Variants in ATP11A observed in about 807,000 individuals in gnomAD.
The protein encoded by ATP11A is ATPase phospholipid transporting 11A, also known as phospholipid-transporting ATPase IH.
ATP11A carries 81 observed loss-of-function variants against 154.4 expected under a neutral mutation model. The ratio of observed to expected loss-of-function variants is 0.52; its 90% CI spans 0.44 to 0.63. ATP11A has a LOEUF of 0.63. Ranked by LOEUF, ATP11A falls within the 30% of genes least tolerant of loss-of-function variation. The pLI is 0.00. For synonymous variants in ATP11A, 623 were observed against 585.9 expected (o/e 1.06, Z -0.91); for missense variants, 1,316 against 1,474.3 (o/e 0.89, Z 1.76).
intron 25 of ATP11A, among the ~76,000 whole-genome samples, chr13:112,871,180 C>A (rs531336022): frequency 6.6e-6 from 1 of 152,164 alleles, no homozygotes; most frequent in Non-Finnish European, 1.5e-5. Flanking sequence ...CAGAACGTTC[C>A]CGCCGCTGTT....
At chr13:112,719,487 T>C (rs1020767022) in intron 1 of ATP11A, among the ~76,000 whole-genome samples, 4 of 152,220 alleles carry the variant, frequency 2.6e-5, no homozygotes, top group Non-Finnish European at 4.4e-5. Context: ...GAAGACAAAA[T>C]TACAAAACAT....
chr13:112,788,537 G>T (rs186709538), intron 2 of ATP11A, among the ~76,000 whole-genome samples: 238 of 148,986 alleles, frequency 1.6e-3, no homozygotes, highest in Non-Finnish European at 1.7e-3. Context: ...CCGGTGTCCT[G>T]ATGCGTAGAC....
chr13:112,843,209 A>G (rs2079476806), intron 17 of ATP11A, among the ~76,000 whole-genome samples: 1 of 151,972 alleles, frequency 6.6e-6, no homozygotes, highest in Non-Finnish European at 1.5e-5. Flanking sequence ...GAGATGCCCT[A>G]AAGCTACACT....
At chr13:112,692,003 C>G (rs420431) in intron 1 of ATP11A, among the ~76,000 whole-genome samples, 26,200 of 152,022 alleles carry the variant, frequency 0.17, 2,764 homozygotes, top group African/African-American at 0.31. Flanking sequence ...CACTGGTGCT[C>G]GAGCCCCCAG....
chr13:112,802,269 C>T (rs907676624), intron 2 of ATP11A, among the ~76,000 whole-genome samples: 2 of 152,064 alleles, frequency 1.3e-5, no homozygotes, highest in African/African-American at 4.8e-5. Flanking sequence ...TGGCGCGAAC[C>T]CAGGAGGCAG....
chr13:112,883,931 T>C lies in ATP11A; in HGVS notation c.*2065T>C, dbSNP rs980623278. ...ACAAATTATTTGTAATGTATTTTTT[T>C]AGAAATCTTAAAATTGCCTTTGCAC... On this transcript the variant is annotated 3_prime_UTR_variant, in exon 30 of 30. Coordinates refer to ENST00000375645, the MANE Select transcript of ATP11A (RefSeq NM_015205.3). The C allele has an allele frequency of 6.6e-5, 10 of 152,670 alleles. No homozygotes were observed. The highest frequency in any genetic ancestry group is 2.4e-4 in the African/African-American group (10 of 41,480). 9.5% of individuals were successfully genotyped at this position (152,670 alleles called of 1,614,324 possible).
At position 112,862,486 on chromosome 13, in the gene ATP11A, T is replaced by C; in HGVS notation, c.2902T>C (p.Trp968Arg). ...ALLRWRVFIY[W>R]TLLGLFDALV... ...GCTGCGCTGGCGCGTGTTCATCTAC[T>C]GGACGCTCCTGGGACTGTTTGACGC... The change falls in exon 25 of 30, where the codon TGG (tryptophan) becomes CGG (arginine). Residue 968 changes from tryptophan (W) to arginine (R), a missense_variant. Trp to Arg is a moderately radical substitution (Grantham distance 101). Transcript: ENST00000375645. 6.2e-7 allele frequency: 1 copy of C among 1,614,192 alleles called. No homozygotes were observed. Among genetic ancestry groups the C allele is most frequent in the Non-Finnish European group, 8.5e-7 (1 of 1,180,010 alleles).
At chr13:112,711,519 GA>G (rs1021708625) in intron 1 of ATP11A, among the ~76,000 whole-genome samples, 318 of 142,788 alleles carry the variant, frequency 2.2e-3, no homozygotes, top group East Asian at 5.1e-3. Flanking sequence ...CACCTGATGA[GA>G]AAAAAAAAAA....
chr13:112,859,402 T>C lies in ATP11A; in HGVS notation c.2677T>C (p.Phe893Leu). The C allele has an allele frequency of 3.7e-6, 6 of 1,614,048 alleles. No homozygotes were observed. Among genetic ancestry groups the C allele is most frequent in the Non-Finnish European group, 5.1e-6 (6 of 1,179,912 alleles). Residue 893 changes from phenylalanine to leucine, a missense_variant, in exon 23 of 30, where the codon TTC (phenylalanine) becomes CTC (leucine). By Grantham distance (22) the Phe-to-Leu change is conservative. Around this residue, in one of 5 missense-constraint regions of ATP11A, gnomAD observed 19 missense variants for 46.6 expected, o/e 0.41. Transcript: ENST00000375645. This position sits in a 1 kb window ranked among gnomAD's most constrained non-coding sequence, Gnocchi z 4.3. ...VQYFFYKNVC[F>L]IFPQFLYQFF... is the part of the protein sequence containing the mutation. ...ATGCCTTGCCTTTCAGAACGTCTGC[T>C]TCATCTTCCCTCAGTTTTTATACCA...
Position 112,690,413 on chromosome 13 carries a change from A to G in ATP11A, c.-4A>G. Reference sequence around the variant, plus strand: ...ACGGCGGAGCGGGAGCGGCCGGAGGAGCCATGGACTGCAGCCTCGTGCGGA... The same window carrying G: ...ACGGCGGAGCGGGAGCGGCCGGAGGGGCCATGGACTGCAGCCTCGTGCGGA... On this transcript the variant is annotated 5_prime_UTR_variant, in exon 1 of 30. Coordinates refer to ENST00000375645, the MANE Select transcript of ATP11A (RefSeq NM_015205.3). The surrounding 1 kb of genome is among the most constrained non-coding windows in gnomAD (Gnocchi z 5.6). 1 of 1,309,748 alleles carries G rather than the reference A, an allele frequency of 7.6e-7. No homozygotes were observed. Among genetic ancestry groups the G allele is most frequent in the Non-Finnish European group, 9.7e-7 (1 of 1,028,980 alleles). 81.1% of individuals were successfully genotyped at this position (1,309,748 alleles called of 1,614,324 possible). A position where few individuals can be genotyped will look rare whatever the true frequency, so the allele number is the denominator to read the frequency against.
chr13:112,881,922 C>G lies in ATP11A; in HGVS notation c.*56C>G. On this transcript the variant is annotated 3_prime_UTR_variant, in exon 30 of 30. Coordinates refer to ENST00000375645, the MANE Select transcript of ATP11A (RefSeq NM_015205.3). Reference sequence around the variant, plus strand: ...TGTCCCTCGGCCGCCTGGTACAGCTCCCACTCTCAGCAGGTGACACTCGCG... The same window carrying G: ...TGTCCCTCGGCCGCCTGGTACAGCTGCCACTCTCAGCAGGTGACACTCGCG... 1 of 1,367,748 alleles carries G rather than the reference C, an allele frequency of 7.3e-7. No individual in the cohort carries two copies. The highest frequency in any genetic ancestry group is 9.8e-7 in the Non-Finnish European group (1 of 1,021,970). The allele number at this position is 1,367,748 out of a possible 1,614,324, so 84.7% of individuals were successfully genotyped here. A position where few individuals can be genotyped will look rare whatever the true frequency, so the allele number is the denominator to read the frequency against.
chr13:112,882,910 C>T lies in ATP11A; in HGVS notation c.*1044C>T. 2.5e-6 allele frequency: 1 copy of T among 398,848 alleles called. No homozygotes were observed. The highest frequency in any genetic ancestry group is 4.4e-6 in the Non-Finnish European group (1 of 226,298). 24.7% of individuals were successfully genotyped at this position (398,848 alleles called of 1,614,324 possible). On this transcript the variant is annotated 3_prime_UTR_variant, in exon 30 of 30. Transcript: ENST00000375645. The surrounding 1 kb of genome is among the most constrained non-coding windows in gnomAD (Gnocchi z 5.1). Reference sequence around the variant, plus strand: ...ACCTGTCTCGGGCTGACGGGGGTGGCACACAGGACACGGGTGGATCCCAAC... The same window carrying T: ...ACCTGTCTCGGGCTGACGGGGGTGGTACACAGGACACGGGTGGATCCCAAC...
intron 2 of ATP11A, among the ~76,000 whole-genome samples, chr13:112,802,939 T>C (rs1168470974): frequency 2.0e-5 from 3 of 152,154 alleles, no homozygotes; most frequent in Non-Finnish European, 4.4e-5. Context: ...CGGGATGACC[T>C]AGGGAGGACA....
chr13:112,850,684 A>T (rs2079739520), intron 17 of ATP11A, among the ~76,000 whole-genome samples: 1 of 152,192 alleles, frequency 6.6e-6, no homozygotes, highest in Admixed American at 6.5e-5. Context: ...AAAAGGTTAA[A>T]TTTAACTCTG....
chr13:112,710,350 G>A lies in ATP11A; in HGVS notation c.39+19895G>A, dbSNP rs139054118. ...CACCCCTAAGCAAGTGGCCCACACC[G>A]TGTGTGACTGGAAAAATCAGTGTTT... On this transcript the variant is annotated intron_variant, in intron 1 of 29. Coordinates refer to ENST00000375645, the MANE Select transcript of ATP11A (RefSeq NM_015205.3). Among the ~76,000 whole-genome samples, 56 of 152,342 alleles carry A rather than the reference G, an allele frequency of 3.7e-4. No individual in the cohort carries two copies. The East Asian group carries it at 4.4e-3, about 12-fold the overall frequency.
rs960201572 is a variant in ATP11A, at chr13:112,838,520, C to G, written c.1705+2269C>G. On this transcript the variant is annotated intron_variant, in intron 16 of 29. Transcript: ENST00000375645. This position sits in a 1 kb window ranked among gnomAD's most constrained non-coding sequence, Gnocchi z 7.3. ...GAGCCGCCCCTGCCGCGCACTCACCCCGGAGCTGGCCCTGCCACACGCTCA... is the reference window on the plus strand; with the variant it reads ...GAGCCGCCCCTGCCGCGCACTCACCGCGGAGCTGGCCCTGCCACACGCTCA... 1.6e-4 allele frequency among the ~76,000 whole-genome samples: 24 copies of G among 152,240 alleles called. No individual in the cohort carries two copies. The highest frequency in any genetic ancestry group is 5.3e-4 in the African/African-American group (22 of 41,464).
chr13:112,758,843 A>G (rs2076903343), intron 1 of ATP11A, among the ~76,000 whole-genome samples: 1 of 152,212 alleles, frequency 6.6e-6, no homozygotes, highest in African/African-American at 2.4e-5. Context: ...AGAACGGTTC[A>G]TTACCGTGGG....
intron 13 of ATP11A, among the ~76,000 whole-genome samples, chr13:112,832,211 A>G (rs282617): frequency 0.36 from 55,470 of 152,172 alleles, 11,264 homozygotes; most frequent in African/African-American, 0.54. Flanking sequence ...GGCAGGGCTG[A>G]AGTCCCAGGC....
chr13:112,709,998 G>A (rs1887560999), intron 1 of ATP11A, among the ~76,000 whole-genome samples: 1 of 152,254 alleles, frequency 6.6e-6, no homozygotes, highest in Admixed American at 6.5e-5. Flanking sequence ...CTGAGAGCAA[G>A]GGTCTCAACA....
Sources: allele counts gnomAD v4.1 joint callset (sites outside exome capture counted in the v4.1 genomes callset), GRCh38; gene constraint gnomAD v4.1.1; regional missense constraint gnomAD v4.1.1; non-coding constraint Gnocchi (gnomAD v3.1); transcripts MANE v1.5; gene names NCBI Gene and HGNC (gene_info 2026-07-23, HGNC 2026-07-21).